The following GNAQ variants were observed in gnomAD, a reference collection of about 807,000 sequenced individuals.
GNAQ encodes the protein G protein subunit alpha q, also known as guanine nucleotide-binding protein G(q) subunit alpha.
GNAQ carries 8 observed loss-of-function variants against 43.9 expected under a neutral mutation model. That is an observed-to-expected ratio of 0.18 (90% CI 0.11 to 0.33). The LOEUF (loss-of-function observed/expected upper bound fraction) is 0.33, where lower values mean the gene tolerates loss of function less well. Among genes scored for constraint, GNAQ ranks in the 10% least tolerant of loss-of-function variants. The pLI is 1.00. For missense variants in GNAQ, 158 were observed against 450.8 expected, an observed-to-expected ratio of 0.35 and a Z score of 5.88; for synonymous variants, 155 against 170.7, an observed-to-expected ratio of 0.91 and a Z score of 0.71.
chr9:77,963,879 T>C (rs1196764190), intron 1 of GNAQ, among the ~76,000 whole-genome samples: 1 of 152,182 alleles, frequency 6.6e-6, no homozygotes, highest in African/African-American at 2.4e-5. Flanking sequence ...TCTTCTGACT[T>C]ATTTTTGTTT....
intron 2 of GNAQ, among the ~76,000 whole-genome samples, chr9:77,868,747 A>T (rs1318096530): frequency 1.3e-5 from 2 of 152,252 alleles, no homozygotes; most frequent in Admixed American, 1.3e-4. Flanking sequence ...GTGAGCCGAG[A>T]TCGGGCCACT....
At chr9:77,933,945 T>C (rs1483793502) in intron 1 of GNAQ, among the ~76,000 whole-genome samples, 2 of 152,156 alleles carry the variant, frequency 1.3e-5, no homozygotes, top group Non-Finnish European at 2.9e-5. Context: ...GCACTCTGAA[T>C]TTCCTTATTA....
At chr9:77,788,038 C>T (rs907596488) in intron 5 of GNAQ, among the ~76,000 whole-genome samples, 8 of 151,984 alleles carry the variant, frequency 5.3e-5, no homozygotes, top group African/African-American at 1.7e-4. Context: ...TCTCAAAAAA[C>T]AAAACAAGAC....
intron 1 of GNAQ, among the ~76,000 whole-genome samples, chr9:77,989,395 G>T (rs1428562582): frequency 6.6e-6 from 1 of 152,188 alleles, no homozygotes; most frequent in Non-Finnish European, 1.5e-5. Context: ...GACCATTGCT[G>T]CAAGTCCAAA....
At position 78,011,029 on chromosome 9, in the gene GNAQ, T is replaced by C. The variant is rs549637617; in HGVS notation, c.136+20071A>G. Among the ~76,000 whole-genome samples, 57 of 152,254 alleles carry C rather than the reference T, an allele frequency of 3.7e-4. No individual in the cohort carries two copies. The South Asian group carries it at 0.011, about 30-fold the overall frequency. On this transcript the variant is annotated intron_variant, in intron 1 of 6. Transcript: ENST00000286548. ...CTAAAAGCAAGACTACTTTGCAAAGTGGTCTAGAAACGCAGAGAAAAAGAC... is the reference window on the plus strand; with the variant it reads ...CTAAAAGCAAGACTACTTTGCAAAGCGGTCTAGAAACGCAGAGAAAAAGAC...
At chr9:77,754,953 A>C (rs1444803354) in intron 5 of GNAQ, among the ~76,000 whole-genome samples, 1 of 152,250 alleles carries the variant, frequency 6.6e-6, no homozygotes, top group Non-Finnish European at 1.5e-5. Context: ...AGCACTATTC[A>C]CAACAGCCAA....
chr9:77,885,665 G>T (rs887354015), intron 2 of GNAQ, among the ~76,000 whole-genome samples: 2 of 151,858 alleles, frequency 1.3e-5, no homozygotes, highest in Non-Finnish European at 2.9e-5. Flanking sequence ...GTCTCAGTAC[G>T]GATGGAAAGA....
chr9:77,785,273 T>C (rs1826458202), intron 5 of GNAQ, among the ~76,000 whole-genome samples: 2 of 152,144 alleles, frequency 1.3e-5, no homozygotes, highest in Middle Eastern at 3.2e-3. Flanking sequence ...ATAGGAGTTG[T>C]GCAGCCACAA....
At chr9:77,815,208 T>G (rs1253451991) in intron 3 of GNAQ, among the ~76,000 whole-genome samples, 1 of 152,194 alleles carries the variant, frequency 6.6e-6, no homozygotes, top group Non-Finnish European at 1.5e-5. Context: ...TATTTTTTGT[T>G]TGCAGTTTCT....
At chr9:77,933,488 T>C (rs753461734) in intron 1 of GNAQ, among the ~76,000 whole-genome samples, 3 of 151,874 alleles carry the variant, frequency 2.0e-5, no homozygotes, top group Non-Finnish European at 4.4e-5. Context: ...CTACTAAAAA[T>C]ACAAAAATTA....
chr9:77,972,682 G>A (rs182224661), intron 1 of GNAQ, among the ~76,000 whole-genome samples: 3 of 152,184 alleles, frequency 2.0e-5, no homozygotes, highest in Admixed American at 2.0e-4. Flanking sequence ...GGCCAGTTAC[G>A]GTAGCTCACA....
rs145000036 is a variant in GNAQ at position 77,794,054 on chromosome 9, AGTACTCTTTG to A, written c.735+399_735+408del. Among the ~76,000 whole-genome samples the A allele has an allele frequency of 7.3e-3, 1,114 of 152,282 alleles. 19 individuals carry two copies. The highest frequency in any genetic ancestry group is 0.026 in the African/African-American group (1,064 of 41,570). On this transcript the variant is annotated intron_variant, in intron 5 of 6. Transcript: ENST00000286548. Reference sequence around the variant, plus strand: ...TTCACATTTGCCAAGAGAGATTTTGAGTACTCTTTGGGACACACCCATCACACAAACAATG... The same window carrying A: ...TTCACATTTGCCAAGAGAGATTTTGAGGACACACCCATCACACAAACAATG...
intron 1 of GNAQ, among the ~76,000 whole-genome samples, chr9:77,951,810 G>C (rs1467209786): frequency 6.6e-6 from 1 of 152,202 alleles, no homozygotes; most frequent in Non-Finnish European, 1.5e-5. Flanking sequence ...CAAGAGATGT[G>C]AATGATCTCA....
intron 2 of GNAQ, among the ~76,000 whole-genome samples, chr9:77,874,398 A>G (rs138829367): frequency 1.3e-5 from 2 of 152,038 alleles, no homozygotes; most frequent in South Asian, 2.1e-4. Context: ...CCACCTCCTC[A>G]TATCTCCCAT....
At chr9:77,728,287 C>A (rs1825431495) in intron 6 of GNAQ, among the ~76,000 whole-genome samples, 1 of 152,208 alleles carries the variant, frequency 6.6e-6, no homozygotes, top group Non-Finnish European at 1.5e-5. Context: ...GCCACTGTGC[C>A]CAGCCATGAG....
At chr9:77,830,021 T>C (rs1223737769) in intron 2 of GNAQ, among the ~76,000 whole-genome samples, 2 of 152,148 alleles carry the variant, frequency 1.3e-5, no homozygotes, top group Admixed American at 6.5e-5. Flanking sequence ...GGCACGATCA[T>C]AGCTCACTAC....
chr9:77,988,486 ATCTT>A (rs1434584605), intron 1 of GNAQ, among the ~76,000 whole-genome samples: 3 of 152,346 alleles, frequency 2.0e-5, no homozygotes, highest in East Asian at 3.9e-4. Context: ...CTGTTTTCTC[ATCTT>A]TCTTCTTTTG....
At chr9:77,784,702 ATTTG>A (rs1826449882) in intron 5 of GNAQ, among the ~76,000 whole-genome samples, 3 of 152,220 alleles carry the variant, frequency 2.0e-5, no homozygotes, top group Admixed American at 2.0e-4. Flanking sequence ...AGCAGAAGTT[ATTTG>A]AAAACAGTGA....
At chr9:78,017,356 G>C in intron 1 of GNAQ, among the ~76,000 whole-genome samples, 1 of 152,286 alleles carries the variant, frequency 6.6e-6, no homozygotes, top group South Asian at 2.1e-4. Context: ...GATTCAAAAT[G>C]CACGGAGGAA....
Sources: allele counts gnomAD v4.1 joint callset (sites outside exome capture counted in the v4.1 genomes callset), GRCh38; gene constraint gnomAD v4.1.1; transcripts MANE v1.5; gene names NCBI Gene and HGNC (gene_info 2026-07-23, HGNC 2026-07-21).